Variants in ZC3H7B observed in about 807,000 individuals in gnomAD.
ZC3H7B encodes zinc finger CCCH domain-containing protein 7B.
In ZC3H7B, 35 loss-of-function variants were observed where a neutral mutation model predicts 116.0. That is an observed-to-expected ratio of 0.30 (90% CI 0.23 to 0.40). The LOEUF is 0.40. Among genes scored for constraint, ZC3H7B ranks in the 10% least tolerant of loss-of-function variants. The probability of loss-of-function intolerance (pLI) is 1.00; values close to 1 mark genes in which losing one functional copy is unlikely to be tolerated. For missense variants in ZC3H7B, 1,011 were observed against 1,321.5 expected (o/e 0.77, Z 3.64); for synonymous variants, 502 against 545.6 (o/e 0.92, Z 1.11).
At chr22:41,316,447 C>T (rs1456438935) in intron 1 of ZC3H7B, among the ~76,000 whole-genome samples, 2 of 151,560 alleles carry the variant, frequency 1.3e-5, no homozygotes, top group Non-Finnish European at 2.9e-5. Flanking sequence ...AGGCGCATGC[C>T]ATCGCACCCA....
Position 41,359,578 on chromosome 22 carries a change from G to A in ZC3H7B, c.*2149G>A, listed in dbSNP as rs2036762254. ...TGCGGAGAGAGTGGGAGTGCTCAGG[G>A]AAAGAAGGTGATTTGTATTTGTCTC... On this transcript the variant is annotated 3_prime_UTR_variant, in exon 23 of 23. Transcript: ENST00000352645. The A allele has an allele frequency of 6.6e-6, 1 of 152,194 alleles. No homozygotes were observed. Among genetic ancestry groups the A allele is most frequent in the South Asian group, 2.1e-4 (1 of 4,816 alleles). 9.4% of individuals were successfully genotyped at this position (152,194 alleles called of 1,614,324 possible).
chr22:41,341,247 T>G, intron 11 of ZC3H7B, 101 bp downstream of exon 11: 1 of 1,410,860 alleles, frequency 7.1e-7, no homozygotes, highest in Non-Finnish European at 9.9e-7. Context: ...AGGCACTGCA[T>G]TCCCCACGGC....
chr22:41,325,942 C>T, intron 4 of ZC3H7B, 24 bp downstream of exon 4: 2 of 1,581,230 alleles, frequency 1.3e-6, no homozygotes, highest in Non-Finnish European at 1.7e-6. Flanking sequence ...CCTCTTTTCT[C>T]TCCTCCTCTG....
intron 7 of ZC3H7B, chr22:41,332,595 C>G (rs1170921816): frequency 4.5e-6 from 1 of 222,542 alleles, no homozygotes; most frequent in East Asian, 1.1e-4. Context: ...TTCCTCTTCC[C>G]CACCCTGCCT....
At chr22:41,324,452 C>CGG (rs1253969358) in intron 2 of ZC3H7B, among the ~76,000 whole-genome samples, 5 of 152,256 alleles carry the variant, frequency 3.3e-5, no homozygotes, top group African/African-American at 9.6e-5. Context: ...CGATGCCTTC[C>CGG]TGCCAAGCAG....
chr22:41,333,121 G>A (rs2036402841), intron 7 of ZC3H7B: 1 of 152,462 alleles, frequency 6.6e-6, no homozygotes, highest in Non-Finnish European at 1.5e-5. Flanking sequence ...GCACAGAGTG[G>A]GGAGGGGACG....
At chr22:41,303,851 G>A (rs1233174430) in intron 1 of ZC3H7B, among the ~76,000 whole-genome samples, 6 of 152,016 alleles carry the variant, frequency 3.9e-5, no homozygotes, top group South Asian at 2.1e-4. Context: ...TCCGCCTCCC[G>A]GGTTCACGCC....
At chr22:41,315,265 C>T (rs1777789307) in intron 1 of ZC3H7B, among the ~76,000 whole-genome samples, 1 of 151,974 alleles carries the variant, frequency 6.6e-6, no homozygotes, top group Non-Finnish European at 1.5e-5. Context: ...CATCCTTGAC[C>T]TCCTGGGCAC....
chr22:41,352,592 C>T (rs2036666494), intron 17 of ZC3H7B, among the ~76,000 whole-genome samples: 1 of 152,092 alleles, frequency 6.6e-6, no homozygotes, highest in Non-Finnish European at 1.5e-5. Context: ...GAAACCCCAT[C>T]TGTACTAAAA....
chr22:41,344,121 G>A (rs938932999), intron 13 of ZC3H7B, among the ~76,000 whole-genome samples: 3 of 152,206 alleles, frequency 2.0e-5, no homozygotes, highest in African/African-American at 7.2e-5. Flanking sequence ...CCCGCTGTAC[G>A]GCGATATGTG....
intron 2 of ZC3H7B, among the ~76,000 whole-genome samples, chr22:41,321,318 C>T (rs894016044): frequency 1.3e-5 from 2 of 150,618 alleles, no homozygotes; most frequent in East Asian, 2.0e-4. Context: ...TGGGTTCAAG[C>T]GATTCTCCTG....
At chr22:41,318,787 C>A (rs940440879) in intron 1 of ZC3H7B, among the ~76,000 whole-genome samples, 1 of 152,076 alleles carries the variant, frequency 6.6e-6, no homozygotes, top group Non-Finnish European at 1.5e-5. Flanking sequence ...CTCTGACCTT[C>A]CTATTCACCA....
At position 41,302,942 on chromosome 22, in the gene ZC3H7B, C is replaced by A. The variant is rs1315152359; in HGVS notation, c.-7+1170C>A. Among the ~76,000 whole-genome samples, 1 of 152,164 alleles carries A rather than the reference C, an allele frequency of 6.6e-6. No individual in the cohort carries two copies. Among genetic ancestry groups the A allele is most frequent in the Non-Finnish European group, 1.5e-5 (1 of 68,032 alleles). ...TCAGACTTTGAACCCCAACTTCTTG[C>A]CATATTCCTCAGCATCTGCAGTTCA... On this transcript the variant is annotated intron_variant, in intron 1 of 22. Transcript: ENST00000352645. The surrounding 1 kb of genome is among the most constrained non-coding windows in gnomAD (Gnocchi z 5.7).
In ZC3H7B at chr22:41,346,083, G is replaced by A. The variant is rs989258774; in HGVS notation, c.1540G>A (p.Glu514Lys). ...YHQEEIDVWT[E>K]ERKGTLNRDL... The stretch of plus-strand genomic sequence containing the variant: ...TCAGGAGGAGATCGACGTGTGGACC[G>A]AGGAGCGGAAGGGCACCCTCAACCG... Residue 514 changes from glutamate (E) to lysine (K), a missense_variant, in exon 14 of 23, where the codon GAG (glutamate) becomes AAG (lysine). Physicochemically the swap from Glu to Lys is moderately conservative, Grantham distance 56. This residue lies in a region of ZC3H7B where 179 missense variants were observed against 178.5 expected (regional missense o/e 1.00). Transcript: ENST00000352645. The surrounding 1 kb of genome is among the most constrained non-coding windows in gnomAD (Gnocchi z 5.3). 7.4e-6 allele frequency: 12 copies of A among 1,613,758 alleles called. No homozygotes were observed. The highest frequency in any genetic ancestry group is 2.2e-5 in the East Asian group (1 of 44,880).
rs1414941497 is a variant in ZC3H7B at position 41,346,909 on chromosome 22, G to A, written c.1665+701G>A. Among the ~76,000 whole-genome samples, 1 of 151,168 alleles carries A rather than the reference G, an allele frequency of 6.6e-6. No homozygotes were observed. Among genetic ancestry groups the A allele is most frequent in the Non-Finnish European group, 1.5e-5 (1 of 67,954 alleles). ...TTGCGTCCAGGAGGTAGAGGCTGCA[G>A]TGAGCCAAGATCGAACCACTGCACT... On this transcript the variant is annotated intron_variant, in intron 14 of 22. Coordinates refer to ENST00000352645, the MANE Select transcript of ZC3H7B (RefSeq NM_017590.6). This position sits in a 1 kb window ranked among gnomAD's most constrained non-coding sequence, Gnocchi z 5.3.
At position 41,355,905 on chromosome 22, in the gene ZC3H7B, C is replaced by T. The variant is rs375029277; in HGVS notation, c.2274+43C>T. 4.8e-5 allele frequency: 77 copies of T among 1,609,496 alleles called. 1 individual carries two copies. Among genetic ancestry groups the T allele is most frequent in the South Asian group, 2.9e-4 (26 of 90,502 alleles). On this transcript the variant is annotated intron_variant, in intron 19 of 22. Coordinates refer to ENST00000352645, the MANE Select transcript of ZC3H7B (RefSeq NM_017590.6). ...GGGCTGGGGGTCCCCCAGGAGGCAGCGATGCTTTCCAGCGGGACTCAGAGG... is the reference window on the plus strand; with the variant it reads ...GGGCTGGGGGTCCCCCAGGAGGCAGTGATGCTTTCCAGCGGGACTCAGAGG...
intron 1 of ZC3H7B, among the ~76,000 whole-genome samples, chr22:41,318,428 C>G (rs1252720978): frequency 6.7e-6 from 1 of 150,158 alleles, no homozygotes; most frequent in Non-Finnish European, 1.5e-5. Flanking sequence ...ACTCGGGAGG[C>G]TGAGGCAGGA....
chr22:41,330,144 G>A, intron 6 of ZC3H7B, 41 bp downstream of exon 6: 1 of 1,608,898 alleles, frequency 6.2e-7, no homozygotes, highest in Non-Finnish European at 8.5e-7. Flanking sequence ...GTGTGGACGT[G>A]AGGAGGTCTG....
intron 4 of ZC3H7B, 21 bp downstream of exon 4, chr22:41,325,939 TCTCTCCTC>T: frequency 6.3e-7 from 1 of 1,581,026 alleles, no homozygotes; most frequent in Non-Finnish European, 8.6e-7. Flanking sequence ...CACCCTCTTT[TCTCTCCTC>T]CTCTGCTGCC....
Sources: gnomAD v4.1 joint callset for allele counts (sites outside exome capture counted in the v4.1 genomes callset) on GRCh38, gnomAD v4.1.1 for gene constraint, gnomAD v4.1.1 regional missense constraint, Gnocchi (gnomAD v3.1) non-coding constraint, MANE v1.5 for transcripts, NCBI Gene and HGNC (gene_info 2026-07-23, HGNC 2026-07-21) for gene names.